EIF3E: variants seen among roughly 807,000 people sequenced by gnomAD.
EIF3E encodes eIF-3 p48.
Under a neutral mutation model 59.3 loss-of-function variants are expected in EIF3E, and 25 were observed. That is an observed-to-expected ratio of 0.42 (90% CI 0.31 to 0.59). The LOEUF (loss-of-function observed/expected upper bound fraction) is 0.59. EIF3E is among the 20% of genes least tolerant of loss of function. EIF3E has a pLI of 0.15. For synonymous variants in EIF3E, 176 were observed against 170.2 expected, an observed-to-expected ratio of 1.03 and a Z score of -0.26; for missense variants, 317 against 534.3, an observed-to-expected ratio of 0.59 and a Z score of 4.01.
At chr8:108,244,851 A>C (rs763574439) in intron 1 of EIF3E, among the ~76,000 whole-genome samples, 2 of 152,022 alleles carry the variant, frequency 1.3e-5, no homozygotes, top group Admixed American at 6.6e-5. Context: ...GGATGACTAC[A>C]AAATGTTTCA....
chr8:108,226,902 T>A (rs1021888271), intron 7 of EIF3E, among the ~76,000 whole-genome samples: 3 of 152,250 alleles, frequency 2.0e-5, no homozygotes, highest in African/African-American at 4.8e-5. Flanking sequence ...TATATAGTAT[T>A]TCCTAATGAT....
chr8:108,236,926 G>A (rs1041611256), intron 3 of EIF3E, among the ~76,000 whole-genome samples: 2 of 151,996 alleles, frequency 1.3e-5, no homozygotes, highest in African/African-American at 2.4e-5. Context: ...GGAGGCTGAG[G>A]CAGGAGAATC....
At chr8:108,214,528 T>C in intron 10 of EIF3E, 79 bp downstream of exon 10, 2 of 1,006,612 alleles carry the variant, frequency 2.0e-6, no homozygotes, top group East Asian at 5.6e-5. Flanking sequence ...TGGAATTCTA[T>C]TAAGTGTAAA....
intron 10 of EIF3E, among the ~76,000 whole-genome samples, chr8:108,209,027 GCTGA>G (rs1193049642): frequency 1.3e-5 from 2 of 152,098 alleles, no homozygotes; most frequent in African/African-American, 4.8e-5. Flanking sequence ...TTTTTATAAA[GCTGA>G]CTATCACATG....
chr8:108,231,737 G>A (rs1007109355), intron 5 of EIF3E: 2 of 151,968 alleles, frequency 1.3e-5, no homozygotes, highest in African/African-American at 2.4e-5. Flanking sequence ...AACCAGCTTC[G>A]TCATTTTATT....
Position 108,228,289 on chromosome 8 carries a change from CAAT to C in EIF3E, c.697_699del (p.Ile233del). The stretch of plus-strand genomic sequence containing the variant: ...TACTGTGGCTGATAAAGGAAGAGGT[CAAT>C]AATATTATCGCGACCTTTGGGGTGA... On this transcript the variant is annotated inframe_deletion, in exon 7 of 13. Coordinates refer to ENST00000220849, the MANE Select transcript of EIF3E (RefSeq NM_001568.3). 3 of 1,601,254 alleles carry C rather than the reference CAAT, an allele frequency of 1.9e-6. No individual in the cohort carries two copies. The highest frequency in any genetic ancestry group is 2.6e-6 in the Non-Finnish European group (3 of 1,173,860).
At position 108,248,519 on chromosome 8, in the gene EIF3E, A is replaced by C. The variant is rs906182282; in HGVS notation, c.90+94T>G. On this transcript the variant is annotated intron_variant, in intron 1 of 12. Coordinates refer to ENST00000220849, the MANE Select transcript of EIF3E (RefSeq NM_001568.3). Reference sequence around the variant, plus strand: ...GGAACCAAACTCGCGACCGCCTCGCACGTGTCAGGCCTAGGACTACAGACA... The same window carrying C: ...GGAACCAAACTCGCGACCGCCTCGCCCGTGTCAGGCCTAGGACTACAGACA... The C allele has an allele frequency of 4.8e-6, 6 of 1,250,710 alleles. No individual in the cohort carries two copies. The African/African-American group carries it at 7.5e-5, about 16-fold the overall frequency. The allele number at this position is 1,250,710 out of a possible 1,614,324, so 77.5% of individuals were successfully genotyped here.
At chr8:108,219,309 A>G (rs945956918) in intron 7 of EIF3E, among the ~76,000 whole-genome samples, 10 of 152,174 alleles carry the variant, frequency 6.6e-5, no homozygotes, top group Non-Finnish European at 1.2e-4. Flanking sequence ...GTATTTCAGA[A>G]GCCAGCAAAA....
chr8:108,214,377 C>T (rs745351096), intron 10 of EIF3E, among the ~76,000 whole-genome samples: 38 of 152,064 alleles, frequency 2.5e-4, no homozygotes, highest in Admixed American at 1.2e-3. Context: ...TCATATATTG[C>T]CTTCAACTTA....
rs146377099 is a variant in EIF3E, at chr8:108,228,494, T to G, written c.598-103A>C. Reference sequence around the variant, plus strand: ...AAAACTGTAATTAAAAATGAGCCCCTTCTAAGGCATGCACGGAGGTCATTA... The same window carrying G: ...AAAACTGTAATTAAAAATGAGCCCCGTCTAAGGCATGCACGGAGGTCATTA... On this transcript the variant is annotated intron_variant, in intron 6 of 12. Coordinates refer to ENST00000220849, the MANE Select transcript of EIF3E (RefSeq NM_001568.3). The G allele has an allele frequency of 3.8e-4, 346 of 911,900 alleles. 1 individual carries two copies. The African/African-American group carries it at 5.2e-3, about 14-fold the overall frequency. 56.5% of individuals were successfully genotyped at this position (911,900 alleles called of 1,614,324 possible). A position where few individuals can be genotyped will look rare whatever the true frequency, so the allele number is the denominator to read the frequency against.
At chr8:108,238,810 C>A (rs868602481) in intron 3 of EIF3E, among the ~76,000 whole-genome samples, 3 of 152,146 alleles carry the variant, frequency 2.0e-5, no homozygotes, top group African/African-American at 7.2e-5. Context: ...AGGTATAGCA[C>A]GGCAAAATAT....
chr8:108,206,602 A>G (rs1292914131), intron 10 of EIF3E, among the ~76,000 whole-genome samples: 1 of 149,296 alleles, frequency 6.7e-6, no homozygotes, highest in Non-Finnish European at 1.5e-5. Flanking sequence ...GCACACACAC[A>G]CACACACACA....
chr8:108,205,071 TG>T (rs1815075235), intron 10 of EIF3E, among the ~76,000 whole-genome samples: 1 of 152,140 alleles, frequency 6.6e-6, no homozygotes, highest in African/African-American at 2.4e-5. Flanking sequence ...TATGTATGTG[TG>T]TTTATATACT....
At chr8:108,225,867 C>G (rs1815507110) in intron 7 of EIF3E, among the ~76,000 whole-genome samples, 2 of 146,654 alleles carry the variant, frequency 1.4e-5, no homozygotes, top group Non-Finnish European at 2.9e-5. Flanking sequence ...ACTCTTCTCA[C>G]TAATTTTGTT....
In EIF3E at chr8:108,201,933, G is replaced by T. The variant is rs1344916086; in HGVS notation, c.1300-10C>A. 1 of 1,563,796 alleles carries T rather than the reference G, an allele frequency of 6.4e-7. No homozygotes were observed. The highest frequency in any genetic ancestry group is 1.2e-5 in the South Asian group (1 of 80,678). ...TTGCCCAGTTAGGAGCCTAAAATAT[G>T]CAAAAAGAAATCAACACCGTGAAAA... On this transcript the variant is annotated splice_polypyrimidine_tract_variant and intron_variant, in intron 12 of 12. Coordinates refer to ENST00000220849, the MANE Select transcript of EIF3E (RefSeq NM_001568.3).
At chr8:108,235,621 C>A (rs550767095) in intron 4 of EIF3E, among the ~76,000 whole-genome samples, 1 of 152,176 alleles carries the variant, frequency 6.6e-6, no homozygotes, top group African/African-American at 2.4e-5. Flanking sequence ...AAGCCTCATG[C>A]TTTGAGTTAA....
intron 2 of EIF3E, among the ~76,000 whole-genome samples, chr8:108,240,979 CA>C (rs36025931): frequency 0.59 from 86,446 of 147,168 alleles, 24,835 homozygotes; most frequent in Middle Eastern, 0.64. Flanking sequence ...GACTCCATCT[CA>C]AAAAAAAAAA....
At chr8:108,239,716 T>A (rs1248810184) in intron 3 of EIF3E, among the ~76,000 whole-genome samples, 1 of 152,180 alleles carries the variant, frequency 6.6e-6, no homozygotes, top group Non-Finnish European at 1.5e-5. Flanking sequence ...GGAATTTCTG[T>A]AGTATAATCA....
chr8:108,214,763 G>A, intron 9 of EIF3E, 47 bp from the exon 10 acceptor site: 2 of 1,494,092 alleles, frequency 1.3e-6, no homozygotes, highest in East Asian at 2.3e-5. Context: ...ACAAGCAATT[G>A]CCTGAAACGT....
Sources: gnomAD v4.1 joint callset for allele counts (sites outside exome capture counted in the v4.1 genomes callset) on GRCh38, gnomAD v4.1.1 for gene constraint, MANE v1.5 for transcripts, NCBI Gene and HGNC (gene_info 2026-07-23, HGNC 2026-07-21) for gene names.